CADM2: variants seen among roughly 807,000 people sequenced by gnomAD.
CADM2 encodes the protein immunoglobulin superfamily member 4D.
A neutral mutation model predicts 49.8 loss-of-function variants in CADM2; 12 were observed. That is an observed-to-expected ratio of 0.24 (90% confidence interval 0.15 to 0.39). The LOEUF (loss-of-function observed/expected upper bound fraction) is 0.39. Ranked by LOEUF, CADM2 falls within the 10% of genes least tolerant of loss-of-function variation. The probability of loss-of-function intolerance (pLI) is 1.00; values close to 1 mark genes in which losing one functional copy is unlikely to be tolerated. For missense variants in CADM2, 378 were observed against 492.3 expected (o/e 0.77, Z 2.20); for synonymous variants, 214 against 175.4 (o/e 1.22, Z -1.74).
At chr3:85,031,761 C>A (rs1191171770) in intron 1 of CADM2, among the ~76,000 whole-genome samples, 1 of 151,886 alleles carries the variant, frequency 6.6e-6, no homozygotes, top group Non-Finnish European at 1.5e-5. Context: ...ACCTCGTGAT[C>A]CGCCCGCCTT....
chr3:85,910,855 C>A (rs1364678513), intron 5 of CADM2, among the ~76,000 whole-genome samples: 1 of 151,876 alleles, frequency 6.6e-6, no homozygotes, highest in East Asian at 1.9e-4. Context: ...TTATTTCTAT[C>A]TTTAAAATCA....
chr3:85,140,252 A>C (rs762902918), intron 1 of CADM2, among the ~76,000 whole-genome samples: 11 of 152,258 alleles, frequency 7.2e-5, no homozygotes, highest in Middle Eastern at 3.4e-3. Context: ...TTATCCAGAA[A>C]ATTTATAGTT....
At chr3:85,109,582 A>G (rs9875381) in intron 1 of CADM2, among the ~76,000 whole-genome samples, 74,020 of 151,784 alleles carry the variant, frequency 0.49, 19,537 homozygotes, top group Non-Finnish European at 0.61. Flanking sequence ...TACTATGGAA[A>G]CAATAGCATC....
intron 1 of CADM2, among the ~76,000 whole-genome samples, chr3:85,494,224 T>G (rs2039792495): frequency 6.6e-6 from 1 of 152,200 alleles, no homozygotes; most frequent in African/African-American, 2.4e-5. Context: ...TAAGTAAAAT[T>G]TAACTTCTAG....
intron 1 of CADM2, among the ~76,000 whole-genome samples, chr3:85,106,762 A>T (rs1435322998): frequency 6.6e-6 from 1 of 152,134 alleles, no homozygotes; most frequent in Non-Finnish European, 1.5e-5. Context: ...ATGACAAGGC[A>T]GAATAGGGAG....
At chr3:85,083,384 T>G (rs2037246095) in intron 1 of CADM2, among the ~76,000 whole-genome samples, 1 of 152,196 alleles carries the variant, frequency 6.6e-6, no homozygotes, top group Admixed American at 6.6e-5. Flanking sequence ...AAGAATGAAT[T>G]TATTCCATGT....
chr3:85,167,199 G>A (rs1024215819), intron 1 of CADM2, among the ~76,000 whole-genome samples: 1 of 151,956 alleles, frequency 6.6e-6, no homozygotes, highest in African/African-American at 2.4e-5. Context: ...TGCAGAAAGG[G>A]TTTGAAGGAG....
chr3:85,540,613 C>A (rs1247011762), intron 1 of CADM2, among the ~76,000 whole-genome samples: 1 of 152,156 alleles, frequency 6.6e-6, no homozygotes, highest in Non-Finnish European at 1.5e-5. Flanking sequence ...TACAAACTCT[C>A]ACACTGAAAT....
intron 2 of CADM2, among the ~76,000 whole-genome samples, chr3:85,742,705 C>T (rs1013046401): frequency 6.6e-6 from 1 of 152,140 alleles, no homozygotes; most frequent in Non-Finnish European, 1.5e-5. Flanking sequence ...ATCTTTTCCA[C>T]ATTAAAATAT....
At chr3:85,257,944 G>GTATAATGTCT (rs1275490810) in intron 1 of CADM2, among the ~76,000 whole-genome samples, 8 of 152,076 alleles carry the variant, frequency 5.3e-5, no homozygotes, top group African/African-American at 1.9e-4. Flanking sequence ...TGTTACATCA[G>GTATAATGTCT]TATAATGTCT....
At chr3:85,534,616 C>T (rs555208996) in intron 1 of CADM2, among the ~76,000 whole-genome samples, 41 of 152,168 alleles carry the variant, frequency 2.7e-4, no homozygotes, top group Non-Finnish European at 1.3e-4. Flanking sequence ...ATATACCTCC[C>T]ACAAAATCTA....
chr3:85,368,565 AAT>A (rs765795600), intron 1 of CADM2, among the ~76,000 whole-genome samples: 5 of 147,284 alleles, frequency 3.4e-5, no homozygotes, highest in Admixed American at 6.8e-5. Flanking sequence ...TATATACCTG[AAT>A]ATATATATAT....
chr3:86,062,435 G>A (rs1425391946), intron 8 of CADM2, among the ~76,000 whole-genome samples: 1 of 152,072 alleles, frequency 6.6e-6, no homozygotes, highest in African/African-American at 2.4e-5. Context: ...TGTTTTTAAA[G>A]TAAAGCTTCC....
At chr3:85,684,818 C>T (rs537774196) in intron 1 of CADM2, among the ~76,000 whole-genome samples, 30 of 152,278 alleles carry the variant, frequency 2.0e-4, no homozygotes, top group African/African-American at 7.0e-4. Flanking sequence ...TTATCTCCCA[C>T]GGGGTCCCGC....
rs1223406040 is a variant in CADM2, at chr3:85,097,277, G to A, written c.61+137609G>A. Among the ~76,000 whole-genome samples, 16 of 152,098 alleles carry A rather than the reference G, an allele frequency of 1.1e-4. 1 individual carries two copies. Among genetic ancestry groups the A allele is most frequent in the Admixed American group, 9.2e-4 (14 of 15,260 alleles). On this transcript the variant is annotated intron_variant, in intron 1 of 9. Transcript: ENST00000383699. ...TGGTTTTTTGTCCTTGTGATAGTTTGCTGAGAATGATGGTTTCCAGTTTCA... is the reference window on the plus strand; with the variant it reads ...TGGTTTTTTGTCCTTGTGATAGTTTACTGAGAATGATGGTTTCCAGTTTCA...
At chr3:85,900,683 T>C (rs933655533) in intron 5 of CADM2, among the ~76,000 whole-genome samples, 3 of 152,196 alleles carry the variant, frequency 2.0e-5, no homozygotes, top group African/African-American at 2.4e-5. Flanking sequence ...CTAGCACTCA[T>C]AAGCCCATGA....
At chr3:85,457,465 C>T (rs1055892975) in intron 1 of CADM2, among the ~76,000 whole-genome samples, 6 of 151,922 alleles carry the variant, frequency 3.9e-5, no homozygotes, top group Non-Finnish European at 5.9e-5. Context: ...TATATTTTAA[C>T]ACTTGAGTGT....
Position 85,611,249 on chromosome 3 carries a change from GTT to G in CADM2, c.62-115263_62-115262del, listed in dbSNP as rs5850702. ...ATCATTAGTCATGTATACTGCAAAT[GTT>G]TTTTTTTTTCTGTGAAAGCATACAT... On this transcript the variant is annotated intron_variant, in intron 1 of 9. Transcript: ENST00000383699. Among the ~76,000 whole-genome samples the G allele has an allele frequency of 8.5e-4, 127 of 149,522 alleles. 1 individual carries two copies. In the South Asian group the frequency reaches 9.3e-3, roughly 11 times the overall value.
At chr3:85,425,409 A>C (rs952288524) in intron 1 of CADM2, among the ~76,000 whole-genome samples, 1 of 152,204 alleles carries the variant, frequency 6.6e-6, no homozygotes, top group African/African-American at 2.4e-5. Context: ...TGGGCTACAC[A>C]GTGTTATTTC....
Sources: gnomAD v4.1 joint callset for allele counts (sites outside exome capture counted in the v4.1 genomes callset) on GRCh38, gnomAD v4.1.1 for gene constraint, MANE v1.5 for transcripts, NCBI Gene and HGNC (gene_info 2026-07-23, HGNC 2026-07-21) for gene names.